The following CLCN7 variants were observed in gnomAD, a reference collection of about 807,000 sequenced individuals.
CLCN7 encodes the protein H(+)/Cl(-) exchange transporter 7.
Under a neutral mutation model 102.1 loss-of-function variants are expected in CLCN7, and 60 were observed. The observed-to-expected ratio is 0.59, with a 90% CI of 0.48 to 0.73. The LOEUF is 0.73. Ranked by LOEUF, CLCN7 falls within the 30% of genes least tolerant of loss-of-function variation. The pLI is 0.00. For missense variants in CLCN7, 962 were observed against 1,125.7 expected, an observed-to-expected ratio of 0.85 and a Z score of 2.08; for synonymous variants, 560 against 490.5, an observed-to-expected ratio of 1.14 and a Z score of -1.87.
At chr16:1,463,053 G>C (rs1334581758) in intron 2 of CLCN7, among the ~76,000 whole-genome samples, 1 of 152,034 alleles carries the variant, frequency 6.6e-6, no homozygotes, top group Non-Finnish European at 1.5e-5. Context: ...TTGGGAGACA[G>C]ACAGGAGGCA....
chr16:1,457,084 T>C lies in CLCN7; in HGVS notation c.822+170A>G, dbSNP rs1055771672. Among the ~76,000 whole-genome samples the C allele has an allele frequency of 2.0e-5, 3 of 152,130 alleles. No homozygotes were observed. Among genetic ancestry groups the C allele is most frequent in the African/African-American group, 7.2e-5 (3 of 41,434 alleles). On this transcript the variant is annotated intron_variant, in intron 9 of 24. Coordinates refer to ENST00000382745, the MANE Select transcript of CLCN7 (RefSeq NM_001287.6). The surrounding 1 kb of genome is among the most constrained non-coding windows in gnomAD (Gnocchi z 5.4). Reference sequence around the variant, plus strand: ...GGAAGCAGCGGGCCGTAGGGAGGCCTTGCCGGGCAGGGACTGTGCCCGCTG... The same window carrying C: ...GGAAGCAGCGGGCCGTAGGGAGGCCCTGCCGGGCAGGGACTGTGCCCGCTG...
At position 1,451,320 on chromosome 16, in the gene CLCN7, G is replaced by A. The variant is rs8045159; in HGVS notation, c.1447+303C>T. On this transcript the variant is annotated intron_variant, in intron 16 of 24. Transcript: ENST00000382745. ...CCTTCTGGGCTCAAGCAATCCTCCCGGCCCAGCCTCCCAAGTACCTGGGAC... is the reference window on the plus strand; with the variant it reads ...CCTTCTGGGCTCAAGCAATCCTCCCAGCCCAGCCTCCCAAGTACCTGGGAC... 7.2e-3 allele frequency among the ~76,000 whole-genome samples: 1,093 copies of A among 152,244 alleles called. 16 individuals carry two copies. Among genetic ancestry groups the A allele is most frequent in the African/African-American group, 0.023 (970 of 41,526 alleles).
intron 2 of CLCN7, among the ~76,000 whole-genome samples, chr16:1,462,665 C>CAAAAAAAAAAAAAAAAAAAAA (rs67969666): frequency 1.1e-4 from 4 of 36,162 alleles, no homozygotes; most frequent in African/African-American, 1.6e-4. Flanking sequence ...AAAAAAAAGC[C>CAAAAAAAAAAAAAAAAAAAAA]AAAAAAAAAA....
rs942084304 is a variant in CLCN7 at position 1,446,136 on chromosome 16, C to A, written c.*495G>T. On this transcript the variant is annotated 3_prime_UTR_variant, in exon 25 of 25. Transcript: ENST00000382745. ...CGAGTCCGTGCCTCAGGCCCAGGGA[C>A]CACAGGCCGTCTGCTCATGGCTGAA... 3.3e-6 allele frequency: 2 copies of A among 601,242 alleles called. No homozygotes were observed. The highest frequency in any genetic ancestry group is 3.7e-5 in the African/African-American group (2 of 53,826). 37.2% of individuals were successfully genotyped at this position (601,242 alleles called of 1,614,324 possible).
chr16:1,464,809 G>A (rs756510447), intron 2 of CLCN7, among the ~76,000 whole-genome samples: 153 of 152,208 alleles, frequency 1.0e-3, no homozygotes, highest in Non-Finnish European at 1.7e-3. Context: ...GGGAAAAACC[G>A]AGGCCGGCGG....
In CLCN7 at chr16:1,459,148, A is replaced by G; in HGVS notation, c.634T>C (p.Phe212Leu). ...TGGGGGATCTTCACCCCGTTGAGGA[A>G]GCACTTGATCTGGGGGATTCCGCTG... ...AGSGIPQIKC[F>L]LNGVKIPHVV... is the part of the protein sequence containing the mutation. The change falls in exon 7 of 25, where the codon TTC becomes CTC. Residue 212 changes from phenylalanine (F) to leucine (L), a missense_variant. Coordinates refer to ENST00000382745, the MANE Select transcript of CLCN7 (RefSeq NM_001287.6). 1 of 1,613,266 alleles carries G rather than the reference A, an allele frequency of 6.2e-7. No individual in the cohort carries two copies. The highest frequency in any genetic ancestry group is 2.2e-5 in the East Asian group (1 of 44,878).
chr16:1,450,707 G>GA, intron 16 of CLCN7, 41 bp from the exon 17 acceptor site: 1 of 1,333,458 alleles, frequency 7.5e-7, no homozygotes. Context: ...CACGACTCCC[G>GA]CCTCCGCAGG....
intron 1 of CLCN7, 72 bp from the exon 2 acceptor site, chr16:1,465,410 C>T (rs2038991575): frequency 2.9e-6 from 4 of 1,391,610 alleles, no homozygotes; most frequent in East Asian, 2.4e-5. Context: ...TCACTCCCGC[C>T]GCCGCACCCT....
chr16:1,451,876 AG>A (rs1343747910), intron 15 of CLCN7, 160 bp from the exon 16 acceptor site: 4 of 652,954 alleles, frequency 6.1e-6, no homozygotes, highest in Non-Finnish European at 1.1e-5. Context: ...ACGGTCACAG[AG>A]GGCAAGGAGG....
chr16:1,465,400 T>C, intron 1 of CLCN7, 62 bp from the exon 2 acceptor site: 1 of 1,460,424 alleles, frequency 6.8e-7, no homozygotes, highest in South Asian at 1.2e-5. Flanking sequence ...CCGTGGATTC[T>C]CACTCCCGCC....
In CLCN7 at chr16:1,457,183, C is replaced by T; in HGVS notation, c.822+71G>A. Reference sequence around the variant, plus strand: ...CGGCCTGGGGGTGCTGAGGGAAGCCCATCTCCCTGAGTGGTGCCCGTGCCC... The same window carrying T: ...CGGCCTGGGGGTGCTGAGGGAAGCCTATCTCCCTGAGTGGTGCCCGTGCCC... On this transcript the variant is annotated intron_variant, in intron 9 of 24. Transcript: ENST00000382745. The surrounding 1 kb of genome is among the most constrained non-coding windows in gnomAD (Gnocchi z 5.4). 17 of 1,382,476 alleles carry T rather than the reference C, an allele frequency of 1.2e-5. No individual in the cohort carries two copies. The highest frequency in any genetic ancestry group is 1.8e-5 in the Non-Finnish European group (17 of 969,634). 85.6% of individuals were successfully genotyped at this position (1,382,476 alleles called of 1,614,324 possible). A position where few individuals can be genotyped will look rare whatever the true frequency, so the allele number is the denominator to read the frequency against.
intron 13 of CLCN7, 49 bp from the exon 14 acceptor site, chr16:1,453,943 GCCTCCGC>G (rs1567268050): frequency 6.4e-7 from 1 of 1,556,318 alleles, no homozygotes; most frequent in African/African-American, 1.4e-5. Flanking sequence ...AAAAGTGCGG[GCCTCCGC>G]CCGCCGGCTC....
intron 11 of CLCN7, 74 bp from the exon 12 acceptor site, chr16:1,455,324 C>G: frequency 1.0e-6 from 1 of 963,722 alleles, no homozygotes; most frequent in Non-Finnish European, 1.7e-6. Context: ...CAGCAGGGAC[C>G]ATCGCCCCTC....
intron 1 of CLCN7, among the ~76,000 whole-genome samples, chr16:1,469,313 G>A (rs1370796231): frequency 6.6e-6 from 1 of 152,076 alleles, no homozygotes; most frequent in Non-Finnish European, 1.5e-5. Context: ...AGAGCAAAAG[G>A]TAACCTATGA....
chr16:1,450,179 A>T, intron 17 of CLCN7: 1 of 418,204 alleles, frequency 2.4e-6, no homozygotes, highest in Non-Finnish European at 4.5e-6. Context: ...CACCCCATGG[A>T]GTCTAGAAAC....
rs1460185621 is a variant in CLCN7 at position 1,448,710 on chromosome 16, G to C, written c.1854C>G (p.Ala618=). The part of the protein sequence containing the change: ...LQSVPFLHWE[A]PVTSHSLTAR... ...CAGTGAGTGAGTGTGAGGTGACCGG[G>C]GCCTCCCAGTGCAGGAAGGGCACAC... Residue 618 remains alanine (A), a synonymous_variant, in exon 20 of 25, where the codon GCC becomes GCG. Transcript: ENST00000382745. The C allele has an allele frequency of 6.2e-7, 1 of 1,612,664 alleles. No individual in the cohort carries two copies. The highest frequency in any genetic ancestry group is 1.7e-5 in the Admixed American group (1 of 60,026).
chr16:1,466,286 CCGT>C (rs1333430193), intron 1 of CLCN7, among the ~76,000 whole-genome samples: 3 of 152,340 alleles, frequency 2.0e-5, no homozygotes, highest in Middle Eastern at 3.4e-3. Flanking sequence ...GCCCCCAACG[CCGT>C]CCCCTCCTCA....
chr16:1,467,681 G>A (rs1303282648), intron 1 of CLCN7: 1 of 152,438 alleles, frequency 6.6e-6, no homozygotes, highest in Non-Finnish European at 1.5e-5. Context: ...CACCCTGTGG[G>A]ACACACCCTG....
rs758753035 is a variant in CLCN7 at position 1,455,147 on chromosome 16, C to T, written c.1085G>A (p.Arg362Lys). 5.6e-6 allele frequency: 9 copies of T among 1,609,320 alleles called. No individual in the cohort carries two copies. The highest frequency in any genetic ancestry group is 2.2e-5 in the South Asian group (2 of 91,008). The stretch of plus-strand genomic sequence containing the variant: ...GGGGCAGGTTACCTCCGAGTCAAAC[C>T]TTCCGAAGTTGATGAGGCCTGGGCT... ...LSSPGLINFG[R>K]FDSEKMAYTI... Residue 362 changes from arginine (R) to lysine (K), a missense_variant, in exon 12 of 25, where the codon AGG becomes AAG. Arg to Lys is a conservative substitution (Grantham distance 26). Transcript: ENST00000382745.
Sources: gnomAD v4.1 joint callset for allele counts (sites outside exome capture counted in the v4.1 genomes callset) on GRCh38, gnomAD v4.1.1 for gene constraint, Gnocchi (gnomAD v3.1) non-coding constraint, MANE v1.5 for transcripts, NCBI Gene and HGNC (gene_info 2026-07-23, HGNC 2026-07-21) for gene names.